Variants in AKAP6 observed in about 807,000 individuals in gnomAD.
The protein encoded by AKAP6 is A-kinase anchor protein 6.
In AKAP6, 58 loss-of-function variants were observed where a neutral mutation model predicts 188.5. That is an observed-to-expected ratio of 0.31 (90% confidence interval 0.25 to 0.38). AKAP6 has a LOEUF of 0.38. AKAP6 is among the 10% of genes least tolerant of loss of function. The pLI is 1.00. For synonymous variants in AKAP6, 989 were observed against 998.6 expected, an observed-to-expected ratio of 0.99 and a Z score of 0.18; for missense variants, 2,710 against 2,740.0, an observed-to-expected ratio of 0.99 and a Z score of 0.24.
At chr14:32,741,787 C>T (rs982920761) in intron 11 of AKAP6, among the ~76,000 whole-genome samples, 1 of 131,826 alleles carries the variant, frequency 7.6e-6, no homozygotes, top group African/African-American at 2.8e-5. Flanking sequence ...AGGGTTTTTG[C>T]ATCAGTATTT....
chr14:32,753,199 G>A lies in AKAP6; in HGVS notation c.3372+17317G>A, dbSNP rs144484218. Reference sequence around the variant, plus strand: ...AGGGTTCCCTTTTCTCCATATCCTTGCTAACACTTGCTATCTTTTCTCTTT... The same window carrying A: ...AGGGTTCCCTTTTCTCCATATCCTTACTAACACTTGCTATCTTTTCTCTTT... On this transcript the variant is annotated intron_variant, in intron 11 of 13. Coordinates refer to ENST00000280979, the MANE Select transcript of AKAP6 (RefSeq NM_004274.5). Among the ~76,000 whole-genome samples, 192 of 152,042 alleles carry A rather than the reference G, an allele frequency of 1.3e-3. 2 individuals are homozygous for A. The highest frequency in any genetic ancestry group is 2.4e-3 in the Non-Finnish European group (162 of 67,940).
At chr14:32,365,494 T>C (rs1027148738) in intron 1 of AKAP6, among the ~76,000 whole-genome samples, 10 of 152,082 alleles carry the variant, frequency 6.6e-5, no homozygotes, top group Admixed American at 1.3e-4. Flanking sequence ...GGTCATTTAA[T>C]CCTCTTGATT....
intron 9 of AKAP6, among the ~76,000 whole-genome samples, chr14:32,726,898 G>A (rs1261300940): frequency 6.6e-6 from 1 of 152,160 alleles, no homozygotes; most frequent in African/African-American, 2.4e-5. Context: ...ACTCAATTCA[G>A]GCTAGGAGGA....
chr14:32,801,722 C>G (rs991695384), intron 12 of AKAP6, among the ~76,000 whole-genome samples: 1 of 151,996 alleles, frequency 6.6e-6, no homozygotes, highest in Non-Finnish European at 1.5e-5. Context: ...TTTTGTTTGT[C>G]CTGAGAAAGT....
rs1214443938 is a variant in AKAP6, at chr14:32,481,263, CT to C, written c.324+47447del. On this transcript the variant is annotated intron_variant, in intron 2 of 13. Coordinates refer to ENST00000280979, the MANE Select transcript of AKAP6 (RefSeq NM_004274.5). ...ACTGAAAGGACACTTCTCCCTACCC[CT>C]ATTCTCCTGCCTCACAGTTCGCAGA... is the stretch of plus-strand genomic sequence containing the variant. Among the ~76,000 whole-genome samples, 3 of 152,274 alleles carry C rather than the reference CT, an allele frequency of 2.0e-5. No individual in the cohort carries two copies. In the Middle Eastern group the frequency reaches 0.01, roughly 518 times the overall value.
intron 2 of AKAP6, among the ~76,000 whole-genome samples, chr14:32,471,054 TA>T (rs896585066): frequency 6.6e-6 from 1 of 152,202 alleles, no homozygotes; most frequent in African/African-American, 2.4e-5. Context: ...GAAAATGTAA[TA>T]AACCAAATTT....
intron 5 of AKAP6, among the ~76,000 whole-genome samples, chr14:32,585,311 G>GA (rs1165506119): frequency 6.6e-6 from 1 of 152,166 alleles, no homozygotes; most frequent in African/African-American, 2.4e-5. Context: ...CAAGATGTAG[G>GA]AAAAACAATC....
At chr14:32,511,283 C>G (rs1027836506) in intron 2 of AKAP6, among the ~76,000 whole-genome samples, 15 of 152,052 alleles carry the variant, frequency 9.9e-5, no homozygotes, top group Admixed American at 3.3e-4. Flanking sequence ...CCATGCAATT[C>G]CAAAGAGGCA....
In AKAP6 at chr14:32,546,389, C is replaced by G; in HGVS notation, c.1736C>G (p.Thr579Ser). ...GAAACATCCAGTTCACCAGCTTTTA[C>G]TCAGAGCAGTGAATCCTCTGTTGGC... ...QSETSSSPAF[T>S]QSSESSVGSD... Residue 579 changes from threonine to serine, a missense_variant, in exon 4 of 14, where the codon ACT becomes AGT. By Grantham distance (58) the Thr-to-Ser change is moderately conservative. Around this residue, in one of 2 missense-constraint regions of AKAP6, gnomAD observed 2,473 missense variants for 2,426.1 expected, o/e 1.02. Coordinates refer to ENST00000280979, the MANE Select transcript of AKAP6 (RefSeq NM_004274.5). 6.2e-7 allele frequency: 1 copy of G among 1,614,200 alleles called. No homozygotes were observed. Among genetic ancestry groups the G allele is most frequent in the East Asian group, 2.2e-5 (1 of 44,884 alleles).
chr14:32,682,222 A>G (rs1003860733), intron 8 of AKAP6, among the ~76,000 whole-genome samples: 1 of 152,156 alleles, frequency 6.6e-6, no homozygotes, highest in Admixed American at 6.5e-5. Flanking sequence ...TCTCAATTTA[A>G]CCTGAAAAAC....
At chr14:32,706,868 C>G (rs746507437) in intron 9 of AKAP6, among the ~76,000 whole-genome samples, 1 of 151,920 alleles carries the variant, frequency 6.6e-6, no homozygotes, top group Non-Finnish European at 1.5e-5. Context: ...GCTCTTATGG[C>G]CTTTGGGTTG....
chr14:32,710,244 C>T (rs1890986553), intron 9 of AKAP6, among the ~76,000 whole-genome samples: 1 of 150,714 alleles, frequency 6.6e-6, no homozygotes, highest in Non-Finnish European at 1.5e-5. Flanking sequence ...GCTACTTCTT[C>T]TCCCAGTGGA....
At chr14:32,803,728 A>G (rs185838156) in intron 12 of AKAP6, among the ~76,000 whole-genome samples, 1 of 152,298 alleles carries the variant, frequency 6.6e-6, no homozygotes, top group Admixed American at 6.5e-5. Flanking sequence ...CATGCCCATA[A>G]CTTCAAGAAC....
At chr14:32,774,494 G>C (rs769029525) in intron 12 of AKAP6, among the ~76,000 whole-genome samples, 2 of 152,174 alleles carry the variant, frequency 1.3e-5, no homozygotes, top group Non-Finnish European at 2.9e-5. Flanking sequence ...CAGTGCTCAA[G>C]GTGGTGAGTA....
At chr14:32,793,298 C>A (rs1199656884) in intron 12 of AKAP6, among the ~76,000 whole-genome samples, 1 of 152,002 alleles carries the variant, frequency 6.6e-6, no homozygotes, top group Non-Finnish European at 1.5e-5. Flanking sequence ...TGCAGAGACA[C>A]ACATAGGCTC....
intron 1 of AKAP6, among the ~76,000 whole-genome samples, chr14:32,414,781 A>G (rs1377573802): frequency 1.3e-5 from 2 of 152,218 alleles, no homozygotes; most frequent in African/African-American, 4.8e-5. Context: ...CAAGTTTAAA[A>G]GAGAATGATC....
chr14:32,642,874 A>G (rs1887818836), intron 7 of AKAP6, among the ~76,000 whole-genome samples: 1 of 152,202 alleles, frequency 6.6e-6, no homozygotes. Flanking sequence ...TTTATACATG[A>G]AGCACAGTTA....
chr14:32,640,607 T>C (rs1465174980), intron 7 of AKAP6, among the ~76,000 whole-genome samples: 1 of 152,196 alleles, frequency 6.6e-6, no homozygotes, highest in Non-Finnish European at 1.5e-5. Context: ...TTATTCAACA[T>C]GCCTCACATT....
chr14:32,646,975 A>G (rs1691496826), intron 7 of AKAP6, among the ~76,000 whole-genome samples: 1 of 152,188 alleles, frequency 6.6e-6, no homozygotes, highest in Admixed American at 6.5e-5. Flanking sequence ...TAAAGTTCAT[A>G]GGAAAGGCAC....
Sources: gnomAD v4.1 joint callset for allele counts (sites outside exome capture counted in the v4.1 genomes callset) on GRCh38, gnomAD v4.1.1 for gene constraint, gnomAD v4.1.1 regional missense constraint, MANE v1.5 for transcripts, NCBI Gene and HGNC (gene_info 2026-07-23, HGNC 2026-07-21) for gene names.